Variants in RIOK2 observed in about 807,000 individuals in gnomAD.
The protein encoded by RIOK2 is RIO kinase 2.
In RIOK2, 46 loss-of-function variants were observed where a neutral mutation model predicts 62.4. That is an observed-to-expected ratio of 0.74 (90% CI 0.58 to 0.94). The LOEUF is 0.94. RIOK2 is among the 40% of genes least tolerant of loss of function. The pLI, the probability that RIOK2 is intolerant of heterozygous loss-of-function variation, is 0.00. For missense variants in RIOK2, 574 were observed against 658.0 expected, an observed-to-expected ratio of 0.87 and a Z score of 1.40; for synonymous variants, 197 against 216.0, an observed-to-expected ratio of 0.91 and a Z score of 0.77.
chr5:97,163,194 A>C lies in RIOK2; in HGVS notation c.1526T>G (p.Leu509Trp). The C allele has an allele frequency of 5.0e-6, 8 of 1,613,572 alleles. No individual in the cohort carries two copies. Among genetic ancestry groups the C allele is most frequent in the Non-Finnish European group, 6.8e-6 (8 of 1,179,842 alleles). ...GACAGCTGATTTTTGCTGTTTTGTCAACTGACGTTTCACCTTCTGTTTCAC... is the reference window on the plus strand; with the variant it reads ...GACAGCTGATTTTTGCTGTTTTGTCCACTGACGTTTCACCTTCTGTTTCAC... ...ELVKQKVKRQ[L>W]TKQQKSAVRR... Residue 509 changes from leucine (L) to tryptophan (W), a missense_variant, in exon 10 of 10, where the codon TTG becomes TGG. Coordinates refer to ENST00000283109, the MANE Select transcript of RIOK2 (RefSeq NM_018343.3).
intron 1 of RIOK2, 84 bp from the exon 2 acceptor site, chr5:97,179,277 A>G: frequency 7.5e-7 from 1 of 1,338,758 alleles, no homozygotes; most frequent in Non-Finnish European, 1.0e-6. Flanking sequence ...TTCTCCTTGA[A>G]GCTTTCCTGA....
chr5:97,166,622 T>G (rs1217362153), intron 8 of RIOK2: 2 of 364,590 alleles, frequency 5.5e-6, no homozygotes, highest in Non-Finnish European at 7.7e-6. Flanking sequence ...TAATCTAAGC[T>G]GAGCCTGATT....
At chr5:97,182,955 A>T (rs1749464125) in intron 1 of RIOK2, 171 bp downstream of exon 1, 1 of 774,730 alleles carries the variant, frequency 1.3e-6, no homozygotes. Context: ...AAGCTCCCAA[A>T]CAAAACCTTT....
At position 97,180,132 on chromosome 5, in the gene RIOK2, A is replaced by ATATATGTATG. The variant is rs1561522402; in HGVS notation, c.67-940_67-939insCATACATATA. Among the ~76,000 whole-genome samples, 5 of 36,836 alleles carry ATATATGTATG rather than the reference A, an allele frequency of 1.4e-4. No homozygotes were observed. The South Asian group carries it at 3.1e-3, about 23-fold the overall frequency. 24.2% of individuals were successfully genotyped at this position (36,836 alleles called of 152,430 possible). A position where few individuals can be genotyped will look rare whatever the true frequency, so the allele number is the denominator to read the frequency against. The stretch of plus-strand genomic sequence containing the variant: ...CTCTTCTGCATGTGTATATGTATAT[A>ATATATGTATG]TATATATATGTATATATATATATAT... On this transcript the variant is annotated intron_variant, in intron 1 of 9. Transcript: ENST00000283109.
rs767994335 is a variant in RIOK2, at chr5:97,177,172, C to T, written c.442G>A (p.Val148Met). Reference sequence around the variant, plus strand: ...AGACGAGATAAATATAGCCATGACACATTGTGCCTATGTTTATGATAATCG... The same window carrying T: ...AGACGAGATAAATATAGCCATGACATATTGTGCCTATGTTTATGATAATCG... ...KRDYHKHRHN[V>M]SWLYLSRLSA... The change falls in exon 4 of 10, where the codon GTG becomes ATG. Residue 148 changes from valine (V) to methionine (M), a missense_variant. Transcript: ENST00000283109. 1 of 1,613,038 alleles carries T rather than the reference C, an allele frequency of 6.2e-7. No individual in the cohort carries two copies. Among genetic ancestry groups the T allele is most frequent in the East Asian group, 2.2e-5 (1 of 44,794 alleles).
chr5:97,163,245 T>A lies in RIOK2; in HGVS notation c.1495-20A>T. ...CAGTTCCTGGAAAGATTTCATAAAT[T>A]AGTATTACTGATAATGAACCATTTC... is the stretch of plus-strand genomic sequence containing the variant. On this transcript the variant is annotated intron_variant, in intron 9 of 9. Coordinates refer to ENST00000283109, the MANE Select transcript of RIOK2 (RefSeq NM_018343.3). The A allele has an allele frequency of 1.2e-6, 2 of 1,603,148 alleles. No individual in the cohort carries two copies. The highest frequency in any genetic ancestry group is 8.5e-7 in the Non-Finnish European group (1 of 1,171,658).
At chr5:97,180,080 C>CATATATAT (rs74195374) in intron 1 of RIOK2, among the ~76,000 whole-genome samples, 19 of 64,704 alleles carry the variant, frequency 2.9e-4, no homozygotes, top group African/African-American at 1.1e-3. Context: ...GTAAAAAGCA[C>CATATATAT]ATATATATAT....
intron 1 of RIOK2, among the ~76,000 whole-genome samples, chr5:97,181,402 T>C (rs1328959325): frequency 6.6e-6 from 1 of 152,158 alleles, no homozygotes; most frequent in African/African-American, 2.4e-5. Context: ...AAGTGGATGC[T>C]ATCACTGAGC....
chr5:97,167,154 T>C, intron 8 of RIOK2: 1 of 1,086,952 alleles, frequency 9.2e-7, no homozygotes. Context: ...TGACCTCAGG[T>C]GATTTGCCTG....
At chr5:97,177,913 T>C (rs1405686237) in intron 2 of RIOK2, 65 bp from the exon 3 acceptor site, 6 of 962,038 alleles carry the variant, frequency 6.2e-6, no homozygotes, top group African/African-American at 1.6e-5. Flanking sequence ...TCACGTAAGT[T>C]CAAGTCATAA....
At chr5:97,180,720 G>A (rs577477508) in intron 1 of RIOK2, among the ~76,000 whole-genome samples, 1 of 152,174 alleles carries the variant, frequency 6.6e-6, no homozygotes, top group Non-Finnish European at 1.5e-5. Flanking sequence ...GTCCAGCTCA[G>A]AGGAAAGAGC....
At position 97,171,234 on chromosome 5, in the gene RIOK2, C is replaced by T. The variant is rs764119541; in HGVS notation, c.751G>A (p.Val251Ile). Reference protein sequence around the residue: ...HITMIDFPQMVSTSHPNAEWY... With the variant: ...HITMIDFPQMISTSHPNAEWY... Reference sequence around the variant, plus strand: ...TCAGCATTGGGATGAGAAGTTGAAACCATCTGTGGAAAATCAATCATGGTG... The same window carrying T: ...TCAGCATTGGGATGAGAAGTTGAAATCATCTGTGGAAAATCAATCATGGTG... Residue 251 changes from valine (V) to isoleucine (I), a missense_variant, in exon 6 of 10, where the codon GTT becomes ATT. Physicochemically the swap from Val to Ile is conservative, Grantham distance 29. Coordinates refer to ENST00000283109, the MANE Select transcript of RIOK2 (RefSeq NM_018343.3). The T allele has an allele frequency of 6.3e-7, 1 of 1,579,128 alleles. No homozygotes were observed. Among genetic ancestry groups the T allele is most frequent in the Admixed American group, 1.8e-5 (1 of 55,062 alleles).
intron 6 of RIOK2, among the ~76,000 whole-genome samples, chr5:97,169,679 A>G (rs1748945428): frequency 6.6e-6 from 1 of 152,246 alleles, no homozygotes; most frequent in Admixed American, 6.5e-5. Context: ...ATATGTTTAC[A>G]TCTCCCTACG....
chr5:97,180,130 A>ATATATGTATGTATG (rs1431843319), intron 1 of RIOK2, among the ~76,000 whole-genome samples: 9 of 29,238 alleles, frequency 3.1e-4, no homozygotes, highest in Non-Finnish European at 8.1e-4. Flanking sequence ...GTATATGTAT[A>ATATATGTATGTATG]TATATATATA....
intron 1 of RIOK2, 43 bp from the exon 2 acceptor site, chr5:97,179,236 G>A: frequency 6.3e-7 from 1 of 1,587,428 alleles, no homozygotes; most frequent in Non-Finnish European, 8.6e-7. Context: ...TCAACACAAA[G>A]CCTTGTCTAT....
chr5:97,163,412 A>ATATAGTG (rs1748756384), intron 9 of RIOK2, among the ~76,000 whole-genome samples, 187 bp from the exon 10 acceptor site: 1 of 152,352 alleles, frequency 6.6e-6, no homozygotes, highest in South Asian at 2.1e-4. Flanking sequence ...ATAGCAAAAA[A>ATATAGTG]TATAGTGTAT....
intron 4 of RIOK2, 40 bp downstream of exon 4, chr5:97,177,076 T>C: frequency 6.4e-7 from 1 of 1,554,822 alleles, no homozygotes; most frequent in Non-Finnish European, 8.8e-7. Flanking sequence ...ACATGTATTA[T>C]TTGGCTAAAA....
At chr5:97,176,984 G>A (rs968604182) in intron 4 of RIOK2, 132 bp downstream of exon 4, 1 of 736,548 alleles carries the variant, frequency 1.4e-6, no homozygotes, top group Non-Finnish European at 2.3e-6. Context: ...ATTTAAGATT[G>A]AGTCTGTCTG....
intron 6 of RIOK2, 32 bp from the exon 7 acceptor site, chr5:97,168,884 C>A (rs115556241): frequency 4.6e-6 from 6 of 1,310,228 alleles, no homozygotes; most frequent in Non-Finnish European, 6.4e-6. Context: ...ATGATATAGT[C>A]TTTATTGCTC....
Sources: gnomAD v4.1 joint callset for allele counts (sites outside exome capture counted in the v4.1 genomes callset) on GRCh38, gnomAD v4.1.1 for gene constraint, MANE v1.5 for transcripts, NCBI Gene and HGNC (gene_info 2026-07-23, HGNC 2026-07-21) for gene names.